The following CCDC33 variants were observed in gnomAD, a reference collection of about 807,000 sequenced individuals.
CCDC33 encodes coiled-coil domain-containing protein 33.
In CCDC33, 94 loss-of-function variants were observed where a neutral mutation model predicts 91.9. The observed-to-expected ratio is 1.02, with a 90% CI of 0.87 to 1.21. The LOEUF is 1.21. Ranked by LOEUF, CCDC33 falls within the 50% of genes most tolerant of loss-of-function variation. CCDC33 has a pLI of 0.00. For synonymous variants in CCDC33, 396 were observed against 374.5 expected, an observed-to-expected ratio of 1.06 and a Z score of -0.66; for missense variants, 940 against 935.5, an observed-to-expected ratio of 1.00 and a Z score of -0.06.
chr15:74,333,125 TG>T, intron 16 of CCDC33: 1 of 1,012,860 alleles, frequency 9.9e-7, no homozygotes, highest in Non-Finnish European at 1.5e-6. Context: ...TTCACCTGGC[TG>T]GCCTCCACCT....
At chr15:74,233,683 A>G (rs1156932757), upstream of CCDC33, among the ~76,000 whole-genome samples, 1 of 152,208 alleles carries the variant, frequency 6.6e-6, no homozygotes, top group Non-Finnish European at 1.5e-5. Context: ...TAGCAGGGAA[A>G]AGCGAGCATG....
At chr15:74,224,235 T>C (rs2074712877) in intron 2 of CCDC33, among the ~76,000 whole-genome samples, 3 of 152,026 alleles carry the variant, frequency 2.0e-5, no homozygotes, top group South Asian at 4.1e-4. Flanking sequence ...TCCCACCCTG[T>C]CAGGGAGAGA....
chr15:74,290,182 C>CTTT lies in CCDC33; in HGVS notation c.1096-5561_1096-5559dup, dbSNP rs3057599. On this transcript the variant is annotated intron_variant, in intron 10 of 18. Coordinates refer to ENST00000398814, the MANE Select transcript of CCDC33 (RefSeq NM_025055.5). The stretch of plus-strand genomic sequence containing the variant: ...TTAACCATTTGTTAGGTTTCTTTTC[C>CTTT]TTTTTTTTTTTTTGAGATGGAGTCC... Among the ~76,000 whole-genome samples, 334 of 145,576 alleles carry CTTT rather than the reference C, an allele frequency of 2.3e-3. 1 individual carries two copies. The highest frequency in any genetic ancestry group is 7.3e-3 in the African/African-American group (288 of 39,558).
chr15:74,236,510 CCACCCT>C lies in CCDC33; in HGVS notation c.-208_-203del. On this transcript the variant is annotated 5_prime_UTR_variant, in exon 1 of 19. Coordinates refer to ENST00000398814, the MANE Select transcript of CCDC33 (RefSeq NM_025055.5). Reference sequence around the variant, plus strand: ...AGATCCAGGACCTGCTCCCACCTGGCCACCCTCCCCCTCCCCCCACATCCAGGCCCC... The same window carrying C: ...AGATCCAGGACCTGCTCCCACCTGGCCCCCCTCCCCCCACATCCAGGCCCC... The C allele has an allele frequency of 6.2e-6, 2 of 322,198 alleles. No individual in the cohort carries two copies. Among genetic ancestry groups the C allele is most frequent in the African/African-American group, 2.1e-5 (1 of 46,524 alleles). The allele number at this position is 322,198 out of a possible 1,614,324, so 20.0% of individuals were successfully genotyped here. A position where few individuals can be genotyped will look rare whatever the true frequency, so the allele number is the denominator to read the frequency against.
chr15:74,205,416 T>C (rs1037847938), intron 1 of CCDC33, among the ~76,000 whole-genome samples: 3 of 152,064 alleles, frequency 2.0e-5, no homozygotes, highest in Non-Finnish European at 4.4e-5. Flanking sequence ...GGCAGGACAC[T>C]TGGCAAGAGA....
intron 7 of CCDC33, among the ~76,000 whole-genome samples, chr15:74,275,196 C>T (rs2076419892): frequency 6.6e-6 from 1 of 152,244 alleles, no homozygotes; most frequent in African/African-American, 2.4e-5. Flanking sequence ...TGTGCAAAAG[C>T]ACTGTTTGAC....
intron 11 of CCDC33, among the ~76,000 whole-genome samples, chr15:74,328,870 C>A (rs528455249): frequency 6.6e-6 from 1 of 152,146 alleles, no homozygotes; most frequent in Non-Finnish European, 1.5e-5. Context: ...ATGTACACAG[C>A]CTCCCACAGC....
chr15:74,235,346 G>C (rs1223570913), upstream of CCDC33, among the ~76,000 whole-genome samples: 2 of 152,222 alleles, frequency 1.3e-5, no homozygotes, highest in Non-Finnish European at 2.9e-5. Context: ...CTCTGGAGTG[G>C]GGGTAGAGAG....
Position 74,253,245 on chromosome 15 carries a change from C to T in CCDC33, c.185+9097C>T, listed in dbSNP as rs559199157. Among the ~76,000 whole-genome samples the T allele has an allele frequency of 2.2e-4, 33 of 152,292 alleles. 1 individual carries two copies. In the South Asian group the frequency reaches 6.8e-3, roughly 32 times the overall value. ...GAGCATGGGCAGAGCGGCTGACAGC[C>T]TCCTCCTCCCTCCCTGGTCATCATG... On this transcript the variant is annotated intron_variant, in intron 2 of 18. Coordinates refer to ENST00000398814, the MANE Select transcript of CCDC33 (RefSeq NM_025055.5).
chr15:74,222,639 C>T (rs2074640726), intron 2 of CCDC33, among the ~76,000 whole-genome samples: 1 of 151,684 alleles, frequency 6.6e-6, no homozygotes, highest in Non-Finnish European at 1.5e-5. Flanking sequence ...AAGCACCTGG[C>T]TCTAAGCCTG....
At position 74,255,710 on chromosome 15, in the gene CCDC33, G is replaced by C. The variant is rs576397717; in HGVS notation, c.186-6730G>C. On this transcript the variant is annotated intron_variant, in intron 2 of 18. Coordinates refer to ENST00000398814, the MANE Select transcript of CCDC33 (RefSeq NM_025055.5). ...CTGGAATGGGACAGAGAGACCAGGG[G>C]CCAGGCTGGACCGAGGCGCTCAGTG... 7.2e-5 allele frequency among the ~76,000 whole-genome samples: 11 copies of C among 152,374 alleles called. No individual in the cohort carries two copies. In the East Asian group the frequency reaches 1.9e-3, roughly 27 times the overall value.
downstream of CCDC33, chr15:74,336,176 G>A: frequency 6.8e-7 from 1 of 1,467,746 alleles, no homozygotes; most frequent in South Asian, 1.3e-5. Flanking sequence ...GGCAGCCTGG[G>A]GGCCCTGCTT....
Position 74,331,024 on chromosome 15 carries a change from A to C in CCDC33, c.1589A>C (p.Gln530Pro), listed in dbSNP as rs769639162. The change falls in exon 14 of 19, where the codon CAG becomes CCG. Residue 530 changes from glutamine (Q) to proline (P), a missense_variant. Gln to Pro is a moderately conservative substitution (Grantham distance 76, BLOSUM62 -1). Coordinates refer to ENST00000398814, the MANE Select transcript of CCDC33 (RefSeq NM_025055.5). ...GAGCTGCTCCTTCTGTATCAGGCCCAGCAGCCACAGGCCGCTCTGCTGAAG... is the reference window on the plus strand; with the variant it reads ...GAGCTGCTCCTTCTGTATCAGGCCCCGCAGCCACAGGCCGCTCTGCTGAAG... ...EKELLLLYQAQQPQAALLKQY... is the reference protein window; with the variant it reads ...EKELLLLYQAPQPQAALLKQY... 6 of 1,610,768 alleles carry C rather than the reference A, an allele frequency of 3.7e-6. No homozygotes were observed. The highest frequency in any genetic ancestry group is 5.1e-6 in the Non-Finnish European group (6 of 1,178,356).
chr15:74,333,810 T>A, intron 16 of CCDC33, 71 bp from the exon 17 acceptor site: 1 of 1,302,328 alleles, frequency 7.7e-7, no homozygotes, highest in Non-Finnish European at 1.1e-6. Context: ...CTCAATACCT[T>A]ATGGTTTCCC....
chr15:74,313,029 G>C (rs1355965958), intron 11 of CCDC33, among the ~76,000 whole-genome samples: 1 of 152,174 alleles, frequency 6.6e-6, no homozygotes, highest in African/African-American at 2.4e-5. Flanking sequence ...CCCCACTCTG[G>C]CTCCCATAGC....
At chr15:74,320,009 C>T (rs2060173651) in intron 11 of CCDC33, among the ~76,000 whole-genome samples, 4 of 152,182 alleles carry the variant, frequency 2.6e-5, no homozygotes, top group Admixed American at 2.6e-4. Context: ...GCCTCCCCTC[C>T]CTGGGAGGGC....
chr15:74,334,073 C>T, intron 17 of CCDC33, 106 bp downstream of exon 17: 1 of 1,006,814 alleles, frequency 9.9e-7, no homozygotes, highest in Non-Finnish European at 1.5e-6. Context: ...TGACCAGGAT[C>T]AAGGCTTAGT....
exon 1 of CCDC33, chr15:74,217,204 C>T (rs1326346779): frequency 3.5e-6 from 4 of 1,144,086 alleles, no homozygotes; most frequent in Non-Finnish European, 1.1e-6. Context: ...GGCTTTCAGA[C>T]TGGGTCCAGG....
chr15:74,262,350 A>T (rs2076048046), intron 2 of CCDC33, 90 bp from the exon 3 acceptor site: 1 of 1,525,168 alleles, frequency 6.6e-7, no homozygotes, highest in Non-Finnish European at 9.0e-7. Context: ...TCCACCTTTC[A>T]CTCAGATTTA....
Sources: allele counts gnomAD v4.1 joint callset (sites outside exome capture counted in the v4.1 genomes callset), GRCh38; gene constraint gnomAD v4.1.1; transcripts MANE v1.5; gene names NCBI Gene and HGNC (gene_info 2026-07-23, HGNC 2026-07-21).